Variants in ZZEF1 observed in about 807,000 individuals in gnomAD.
The protein encoded by ZZEF1 is zinc finger ZZ-type and EF-hand domain-containing protein 1.
Under a neutral mutation model 342.8 loss-of-function variants are expected in ZZEF1, and 157 were observed. The observed-to-expected ratio is 0.46, with a 90% CI of 0.40 to 0.52. ZZEF1 has a LOEUF of 0.52. Among genes scored for constraint, ZZEF1 ranks in the 20% least tolerant of loss-of-function variants. ZZEF1 has a pLI of 0.00. For synonymous variants in ZZEF1, 1,505 were observed against 1,429.1 expected (o/e 1.05, Z -1.20); for missense variants, 3,480 against 3,725.6 (o/e 0.93, Z 1.72).
At position 4,008,430 on chromosome 17, in the gene ZZEF1, C is replaced by T; in HGVS notation, c.8805+453G>A. 1 of 658,006 alleles carries T rather than the reference C, an allele frequency of 1.5e-6. No individual in the cohort carries two copies. Among genetic ancestry groups the T allele is most frequent in the African/African-American group, 2.0e-5 (1 of 50,836 alleles). 40.8% of individuals were successfully genotyped at this position (658,006 alleles called of 1,614,324 possible). A position where few individuals can be genotyped will look rare whatever the true frequency, so the allele number is the denominator to read the frequency against. Reference sequence around the variant, plus strand: ...AATTTTTAAATTGAAAATCTCGTTTCTAATGGCACATATGGATATATGCAT... The same window carrying T: ...AATTTTTAAATTGAAAATCTCGTTTTTAATGGCACATATGGATATATGCAT... On this transcript the variant is annotated intron_variant, in intron 54 of 54. Coordinates refer to ENST00000381638, the MANE Select transcript of ZZEF1 (RefSeq NM_015113.4). This position sits in a 1 kb window ranked among gnomAD's most constrained non-coding sequence, Gnocchi z 4.2.
At chr17:4,100,116 A>G (rs542937696) in intron 9 of ZZEF1, among the ~76,000 whole-genome samples, 1 of 152,262 alleles carries the variant, frequency 6.6e-6, no homozygotes, top group African/African-American at 2.4e-5. Flanking sequence ...CTTGTCCAAA[A>G]GTGGTACTTC....
chr17:4,043,547 C>G (rs1451576243), intron 38 of ZZEF1, among the ~76,000 whole-genome samples: 1 of 152,306 alleles, frequency 6.6e-6, no homozygotes, highest in African/African-American at 2.4e-5. Context: ...GTCTCCTGAG[C>G]CCACAGCATG....
chr17:4,109,422 G>T (rs1184339121), intron 6 of ZZEF1, among the ~76,000 whole-genome samples: 1 of 152,170 alleles, frequency 6.6e-6, no homozygotes, highest in Non-Finnish European at 1.5e-5. Context: ...TGTGTGACGA[G>T]GAGCAGGAAG....
At chr17:4,117,412 G>A (rs370739516) in intron 2 of ZZEF1, among the ~76,000 whole-genome samples, 8 of 152,226 alleles carry the variant, frequency 5.3e-5, no homozygotes, top group African/African-American at 1.2e-4. Context: ...TTGGGAGGCC[G>A]AGGCGGACGG....
chr17:4,076,832 T>A, intron 20 of ZZEF1, 36 bp downstream of exon 20: 1 of 1,613,452 alleles, frequency 6.2e-7, no homozygotes, highest in Non-Finnish European at 8.5e-7. Flanking sequence ...CCAACCCCCT[T>A]CCGGTTCTTT....
intron 1 of ZZEF1, among the ~76,000 whole-genome samples, chr17:4,137,743 A>G (rs1292572561): frequency 6.6e-5 from 10 of 152,252 alleles, no homozygotes; most frequent in Admixed American, 2.0e-4. Context: ...GCGGCCTCAC[A>G]GCCTAGTTGC....
chr17:4,024,826 A>G (rs909704840), intron 43 of ZZEF1, 93 bp downstream of exon 43: 1 of 1,242,712 alleles, frequency 8.0e-7, no homozygotes, highest in African/African-American at 1.5e-5. Context: ...TTTACCATCC[A>G]TCGAAATCAG....
intron 42 of ZZEF1, among the ~76,000 whole-genome samples, chr17:4,031,202 A>G (rs1248009931): frequency 6.6e-6 from 1 of 151,954 alleles, no homozygotes; most frequent in Non-Finnish European, 1.5e-5. Flanking sequence ...TGTAATCCCA[A>G]CTACTTGGAA....
intron 28 of ZZEF1, among the ~76,000 whole-genome samples, chr17:4,065,972 A>G (rs949300899): frequency 2.0e-5 from 3 of 152,066 alleles, no homozygotes; most frequent in Non-Finnish European, 4.4e-5. Flanking sequence ...CTCTAAAAAA[A>G]AGTTTTTAAT....
intron 6 of ZZEF1, among the ~76,000 whole-genome samples, chr17:4,108,946 C>T (rs892082241): frequency 1.3e-5 from 2 of 152,232 alleles, no homozygotes; most frequent in South Asian, 4.1e-4. Context: ...ATACTCTCAC[C>T]GCCTACACTA....
At chr17:4,015,816 G>A (rs779670485) in intron 49 of ZZEF1, among the ~76,000 whole-genome samples, 3 of 152,234 alleles carry the variant, frequency 2.0e-5, no homozygotes, top group Non-Finnish European at 4.4e-5. Flanking sequence ...GAATAACGGA[G>A]GCTGCCCCAT....
At chr17:4,076,275 G>A (rs1176933908) in intron 21 of ZZEF1, 2 of 154,802 alleles carry the variant, frequency 1.3e-5, no homozygotes, top group African/African-American at 4.9e-5. Flanking sequence ...GGGACTACAG[G>A]CGCCCACCAT....
chr17:4,123,163 G>A (rs1454420315), intron 2 of ZZEF1, among the ~76,000 whole-genome samples: 8 of 149,806 alleles, frequency 5.3e-5, no homozygotes, highest in East Asian at 2.0e-4. Flanking sequence ...CTCGTGATCC[G>A]CCCGCCTCGG....
chr17:4,007,917 G>A (rs1035951347), intron 54 of ZZEF1, among the ~76,000 whole-genome samples: 1 of 152,010 alleles, frequency 6.6e-6, no homozygotes, highest in Non-Finnish European at 1.5e-5. Flanking sequence ...GTCCACCCAC[G>A]GGTAACCCTG....
chr17:4,015,548 T>C (rs905800216), intron 49 of ZZEF1, among the ~76,000 whole-genome samples: 3 of 152,216 alleles, frequency 2.0e-5, no homozygotes, highest in Non-Finnish European at 4.4e-5. Flanking sequence ...GTGGATCACC[T>C]GAGGTCAGGA....
At chr17:4,011,586 C>T (rs2055959832) in intron 52 of ZZEF1, among the ~76,000 whole-genome samples, 1 of 151,244 alleles carries the variant, frequency 6.6e-6, no homozygotes, top group African/African-American at 2.4e-5. Flanking sequence ...CAGAGGAAGG[C>T]TGTGTTTTAA....
At chr17:4,041,753 G>A (rs1340352260) in intron 39 of ZZEF1, among the ~76,000 whole-genome samples, 1 of 151,960 alleles carries the variant, frequency 6.6e-6, no homozygotes, top group African/African-American at 2.4e-5. Context: ...AATAACGAAG[G>A]CATACCTAAA....
At chr17:4,029,230 A>T (rs537145274) in intron 42 of ZZEF1, among the ~76,000 whole-genome samples, 21 of 152,226 alleles carry the variant, frequency 1.4e-4, no homozygotes, top group Non-Finnish European at 2.9e-5. Flanking sequence ...ACAAATTGTA[A>T]TAATATTCAT....
chr17:4,047,096 G>C (rs919027718), intron 37 of ZZEF1, among the ~76,000 whole-genome samples: 3 of 152,142 alleles, frequency 2.0e-5, no homozygotes, highest in Non-Finnish European at 1.5e-5. Context: ...TACCCTGGGC[G>C]CACCCGGCTG....
Sources: allele counts gnomAD v4.1 joint callset (sites outside exome capture counted in the v4.1 genomes callset), GRCh38; gene constraint gnomAD v4.1.1; non-coding constraint Gnocchi (gnomAD v3.1); transcripts MANE v1.5; gene names NCBI Gene and HGNC (gene_info 2026-07-23, HGNC 2026-07-21).